ORC2: variants seen among roughly 807,000 people sequenced by gnomAD.
The protein encoded by ORC2 is origin recognition complex subunit 2.
Under a neutral mutation model 77.7 loss-of-function variants are expected in ORC2, and 37 were observed. The ratio of observed to expected loss-of-function variants is 0.48; its 90% CI spans 0.37 to 0.63. The LOEUF (loss-of-function observed/expected upper bound fraction) is 0.63, where lower values mean the gene tolerates loss of function less well. Among genes scored for constraint, ORC2 ranks in the 20% least tolerant of loss-of-function variants. ORC2 has a pLI of 0.00. For missense variants in ORC2, 557 were observed against 661.9 expected (o/e 0.84, Z 1.74); for synonymous variants, 201 against 229.5 (o/e 0.88, Z 1.12).
chr2:200,928,588 CG>C (rs2040883037), intron 11 of ORC2, among the ~76,000 whole-genome samples: 1 of 151,642 alleles, frequency 6.6e-6, no homozygotes, highest in South Asian at 2.1e-4. Flanking sequence ...CCGAGGCGGG[CG>C]GATCACGAGG....
At chr2:200,927,974 C>A (rs1393795142) in intron 11 of ORC2, among the ~76,000 whole-genome samples, 1 of 151,812 alleles carries the variant, frequency 6.6e-6, no homozygotes, top group Non-Finnish European at 1.5e-5. Context: ...AGGCATGAGC[C>A]ACCGTGCAAG....
intron 1 of ORC2, among the ~76,000 whole-genome samples, chr2:200,960,171 T>C (rs2041546000): frequency 6.6e-6 from 1 of 151,570 alleles, no homozygotes; most frequent in Non-Finnish European, 1.5e-5. Context: ...AGAAATGAGG[T>C]TTCACCATGT....
At chr2:200,920,762 T>C (rs1488140119) in intron 14 of ORC2, among the ~76,000 whole-genome samples, 1 of 152,224 alleles carries the variant, frequency 6.6e-6, no homozygotes, top group African/African-American at 2.4e-5. Context: ...TTGGGTCTTT[T>C]CCCTCCATTT....
At chr2:200,913,105 C>G (rs1161291100) in intron 17 of ORC2, among the ~76,000 whole-genome samples, 190 bp downstream of exon 17, 4 of 152,246 alleles carry the variant, frequency 2.6e-5, no homozygotes, top group Non-Finnish European at 5.9e-5. Flanking sequence ...GTTTTCTGCT[C>G]TGCTCTGAAG....
At position 200,935,884 on chromosome 2, in the gene ORC2, A is replaced by G; in HGVS notation, c.523T>C (p.Ser175Pro). 3 of 1,611,166 alleles carry G rather than the reference A, an allele frequency of 1.9e-6. No individual in the cohort carries two copies. Among genetic ancestry groups the G allele is most frequent in the Non-Finnish European group, 2.5e-6 (3 of 1,179,168 alleles). Reference sequence around the variant, plus strand: ...TATTCGCTTTCACTGTCAGAATGAGACCTTGGAACTGTGGGGGGAAAAATA... The same window carrying G: ...TATTCGCTTTCACTGTCAGAATGAGGCCTTGGAACTGTGGGGGGAAAAATA... ...SLRKRLIVPR[S>P]HSDSESEYSA... Residue 175 changes from serine (S) to proline (P), a missense_variant, in exon 9 of 18, where the codon TCT (serine) becomes CCT (proline). Coordinates refer to ENST00000234296, the MANE Select transcript of ORC2 (RefSeq NM_006190.5).
intron 5 of ORC2, among the ~76,000 whole-genome samples, chr2:200,944,511 C>T (rs1166444566): frequency 2.0e-5 from 3 of 152,010 alleles, no homozygotes. Context: ...GATAGGCAGA[C>T]ATTCCAACAC....
At chr2:200,920,927 A>T in intron 14 of ORC2, 66 bp downstream of exon 14, 1 of 1,182,448 alleles carries the variant, frequency 8.5e-7, no homozygotes, top group Non-Finnish European at 1.1e-6. Flanking sequence ...TTTCTGATTT[A>T]TATTAATAGA....
At chr2:200,938,480 A>C (rs994467704) in intron 7 of ORC2, among the ~76,000 whole-genome samples, 1 of 152,152 alleles carries the variant, frequency 6.6e-6, no homozygotes, top group African/African-American at 2.4e-5. Flanking sequence ...AGAAGGAGAG[A>C]TTTACACTTT....
At position 200,926,799 on chromosome 2, in the gene ORC2, T is replaced by C. The variant is rs201138399; in HGVS notation, c.1019A>G (p.Asn340Ser). 190 of 1,613,968 alleles carry C rather than the reference T, an allele frequency of 1.2e-4. No individual in the cohort carries two copies. The highest frequency in any genetic ancestry group is 1.6e-4 in the Non-Finnish European group (183 of 1,180,004). The change falls in exon 12 of 18, where the codon AAT becomes AGT. Residue 340 changes from asparagine to serine, a missense_variant. Transcript: ENST00000234296. ...CACACTGATTCCAGGAAAGAAGCCA[T>C]TGATGACAACGTGAATGGAATCTTG... ...MLQDSIHVVI[N>S]GFFPGISVKS... is the part of the protein sequence containing the mutation.
chr2:200,945,941 T>C (rs1448254794), intron 5 of ORC2, among the ~76,000 whole-genome samples: 1 of 151,938 alleles, frequency 6.6e-6, no homozygotes, highest in East Asian at 1.9e-4. Flanking sequence ...TTGCTGGATC[T>C]CAATCTATTT....
At chr2:200,940,759 G>A (rs927113307) in intron 7 of ORC2, among the ~76,000 whole-genome samples, 3 of 151,976 alleles carry the variant, frequency 2.0e-5, no homozygotes, top group Admixed American at 2.0e-4. Context: ...CCGAGACCAC[G>A]CCACTGCACT....
In ORC2 at chr2:200,937,783, C is replaced by T. The variant is rs893217783; in HGVS notation, c.514+123G>A. The T allele has an allele frequency of 3.6e-5, 24 of 666,914 alleles. No homozygotes were observed. In the African/African-American group the frequency reaches 4.2e-4, roughly 12 times the overall value. 41.3% of individuals were successfully genotyped at this position (666,914 alleles called of 1,614,324 possible). A position where few individuals can be genotyped will look rare whatever the true frequency, so the allele number is the denominator to read the frequency against. On this transcript the variant is annotated intron_variant, in intron 8 of 17. Coordinates refer to ENST00000234296, the MANE Select transcript of ORC2 (RefSeq NM_006190.5). ...GTGAAAGACATGGTGCTAAGTGTTG[C>T]AACTAAAAGCCAAAGATTCAAAACA...
chr2:200,943,140 A>T (rs1437729901), intron 5 of ORC2: 1 of 158,616 alleles, frequency 6.3e-6, no homozygotes, highest in Admixed American at 6.4e-5. Flanking sequence ...AGGGCCAGAA[A>T]GTGAGATCTA....
In ORC2 at chr2:200,909,632, T is replaced by C. The variant is rs13412430; in HGVS notation, c.*1669A>G. On this transcript the variant is annotated 3_prime_UTR_variant, in exon 18 of 18. Coordinates refer to ENST00000234296, the MANE Select transcript of ORC2 (RefSeq NM_006190.5). ...ACAAGAATCACTTGAACCCAGGAGGTGGAGGCTGCTGTAAGCTTAGATCAC... is the reference window on the plus strand; with the variant it reads ...ACAAGAATCACTTGAACCCAGGAGGCGGAGGCTGCTGTAAGCTTAGATCAC... The C allele has an allele frequency of 0.34, 48,271 of 142,300 alleles. 10,543 individuals carry two copies. Among genetic ancestry groups the C allele is most frequent in the African/African-American group, 0.64 (25,075 of 39,366 alleles). The allele number at this position is 142,300 out of a possible 1,614,324, so 8.8% of individuals were successfully genotyped here.
At chr2:200,940,835 C>G (rs1270994719) in intron 7 of ORC2, among the ~76,000 whole-genome samples, 3 of 151,944 alleles carry the variant, frequency 2.0e-5, no homozygotes, top group African/African-American at 2.4e-5. Context: ...AAAAACCCCA[C>G]AAAGGAGGAG....
intron 1 of ORC2, chr2:200,963,194 G>A: frequency 5.5e-6 from 2 of 366,736 alleles, no homozygotes; most frequent in Non-Finnish European, 9.7e-6. Flanking sequence ...ACTAACGAAA[G>A]GTCCTCCCAG....
At chr2:200,939,439 T>G (rs1215931020) in intron 7 of ORC2, among the ~76,000 whole-genome samples, 1 of 152,196 alleles carries the variant, frequency 6.6e-6, no homozygotes, top group Non-Finnish European at 1.5e-5. Flanking sequence ...CTAATCTCTC[T>G]TGACAGTTTG....
intron 7 of ORC2, among the ~76,000 whole-genome samples, chr2:200,938,187 C>T (rs1274762483): frequency 6.6e-6 from 1 of 152,160 alleles, no homozygotes; most frequent in Non-Finnish European, 1.5e-5. Flanking sequence ...TGCCACCACA[C>T]CCAGCTAATT....
intron 4 of ORC2, among the ~76,000 whole-genome samples, chr2:200,954,135 C>A (rs573588010): frequency 2.0e-5 from 3 of 151,246 alleles, no homozygotes; most frequent in Non-Finnish European, 4.4e-5. Flanking sequence ...CGGGTTCAAG[C>A]GATTTTCCTG....
Sources: gnomAD v4.1 joint callset for allele counts (sites outside exome capture counted in the v4.1 genomes callset) on GRCh38, gnomAD v4.1.1 for gene constraint, MANE v1.5 for transcripts, NCBI Gene and HGNC (gene_info 2026-07-23, HGNC 2026-07-21) for gene names.